The following DPP10 variants were observed in gnomAD, a reference collection of about 807,000 sequenced individuals.
DPP10 encodes the protein dipeptidyl peptidase like 10.
A neutral mutation model predicts 120.9 loss-of-function variants in DPP10; 33 were observed. The observed-to-expected ratio is 0.27, with a 90% confidence interval of 0.21 to 0.37. The LOEUF (loss-of-function observed/expected upper bound fraction) is 0.37. Ranked by LOEUF, DPP10 falls within the 10% of genes least tolerant of loss-of-function variation. The probability of loss-of-function intolerance (pLI) is 1.00; values close to 1 mark genes in which losing one functional copy is unlikely to be tolerated. For synonymous variants in DPP10, 337 were observed against 326.1 expected (o/e 1.03, Z -0.36); for missense variants, 816 against 942.8 (o/e 0.87, Z 1.76).
At chr2:114,853,657 G>T (rs528357430) in intron 1 of DPP10, among the ~76,000 whole-genome samples, 1 of 152,178 alleles carries the variant, frequency 6.6e-6, no homozygotes, top group Non-Finnish European at 1.5e-5. Context: ...AAGCTAGTGA[G>T]AAATGATGAA....
intron 1 of DPP10, among the ~76,000 whole-genome samples, chr2:114,853,019 A>G (rs1689088476): frequency 6.6e-6 from 1 of 152,196 alleles, no homozygotes. Context: ...GACTCAGGAT[A>G]ACTGCTCACA....
intron 1 of DPP10, among the ~76,000 whole-genome samples, chr2:115,201,433 A>G (rs2055711590): frequency 6.6e-6 from 1 of 152,224 alleles, no homozygotes; most frequent in South Asian, 2.1e-4. Context: ...ACTGCCCTCA[A>G]GCCTGGGCTA....
intron 1 of DPP10, among the ~76,000 whole-genome samples, chr2:115,076,002 A>G (rs376278261): frequency 2.6e-5 from 4 of 152,116 alleles, no homozygotes; most frequent in African/African-American, 9.7e-5. Flanking sequence ...GTGGGTTTTC[A>G]TTCACCCTGT....
intron 1 of DPP10, among the ~76,000 whole-genome samples, chr2:114,990,757 T>C (rs1456628268): frequency 6.6e-6 from 1 of 152,196 alleles, no homozygotes; most frequent in Non-Finnish European, 1.5e-5. Context: ...CATCTTGTTT[T>C]CTCCTGAAGA....
chr2:115,830,091 C>T (rs1175238345), intron 21 of DPP10, among the ~76,000 whole-genome samples: 1 of 152,050 alleles, frequency 6.6e-6, no homozygotes, highest in African/African-American at 2.4e-5. Context: ...AGCAGTGGCT[C>T]ATGCGTGTAA....
At chr2:114,467,074 T>C (rs1679456974) in intron 1 of DPP10, among the ~76,000 whole-genome samples, 1 of 151,892 alleles carries the variant, frequency 6.6e-6, no homozygotes, top group South Asian at 2.1e-4. Flanking sequence ...GTGACTAGTT[T>C]AGAGCCCTAC....
At chr2:115,005,908 A>G (rs1336858306) in intron 1 of DPP10, among the ~76,000 whole-genome samples, 10 of 150,774 alleles carry the variant, frequency 6.6e-5, no homozygotes, top group Admixed American at 2.0e-4. Context: ...TCCAAGACAC[A>G]TAATTGTCAG....
intron 1 of DPP10, among the ~76,000 whole-genome samples, chr2:114,755,755 G>C (rs75911555): frequency 6.6e-6 from 1 of 152,286 alleles, no homozygotes; most frequent in South Asian, 2.1e-4. Flanking sequence ...AATTTAGCCT[G>C]TGAGAGGCTC....
At chr2:115,298,415 A>T (rs2060980925) in intron 1 of DPP10, among the ~76,000 whole-genome samples, 1 of 151,990 alleles carries the variant, frequency 6.6e-6, no homozygotes, top group Admixed American at 6.6e-5. Flanking sequence ...AATTCCTCTG[A>T]GTGTAAGATT....
At chr2:115,458,401 CACT>C (rs2073750061) in intron 3 of DPP10, among the ~76,000 whole-genome samples, 1 of 152,014 alleles carries the variant, frequency 6.6e-6, no homozygotes, top group Non-Finnish European at 1.5e-5. Context: ...ATTGTTTAGA[CACT>C]ACTTTTGATC....
intron 4 of DPP10, among the ~76,000 whole-genome samples, chr2:115,499,817 A>G (rs1338168334): frequency 2.6e-5 from 4 of 152,042 alleles, no homozygotes; most frequent in African/African-American, 9.7e-5. Context: ...CTTGTTAATA[A>G]TTGGAGAAAT....
Position 114,443,789 on chromosome 2 carries a change from C to T in DPP10, c.60+951C>T, listed in dbSNP as rs76609888. Among the ~76,000 whole-genome samples the T allele has an allele frequency of 3.9e-4, 59 of 151,286 alleles. No individual in the cohort carries two copies. The East Asian group carries it at 0.011, about 29-fold the overall frequency. On this transcript the variant is annotated intron_variant, in intron 1 of 25. Transcript: ENST00000410059. ...TCTCTCATTAACATACAAGTGCATA[C>T]CTTTTGCTACTATTCCTGATAAGCC...
At chr2:115,755,896 CTTTTTAAAAAGTATATATGTATGCT>C (rs1183583454) in intron 11 of DPP10, among the ~76,000 whole-genome samples, 1 of 149,752 alleles carries the variant, frequency 6.7e-6, no homozygotes, top group African/African-American at 2.4e-5. Context: ...TACATATATA[CTTTTTAAAAAGTATATATGTATGCT>C]TTTTTAAAAA....
At chr2:115,721,483 C>T (rs942907555) in intron 7 of DPP10, among the ~76,000 whole-genome samples, 17 of 151,916 alleles carry the variant, frequency 1.1e-4, no homozygotes, top group Non-Finnish European at 4.4e-5. Flanking sequence ...GTATAATTTA[C>T]ATACATAAAC....
intron 1 of DPP10, among the ~76,000 whole-genome samples, chr2:114,829,216 G>GA (rs1360747798): frequency 6.6e-6 from 1 of 151,718 alleles, no homozygotes; most frequent in East Asian, 2.0e-4. Context: ...TTGAACCGGG[G>GA]GCAGCAGAGG....
At chr2:115,583,619 A>C (rs2082124111) in intron 5 of DPP10, among the ~76,000 whole-genome samples, 1 of 152,194 alleles carries the variant, frequency 6.6e-6, no homozygotes, top group African/African-American at 2.4e-5. Context: ...AGCGTTTTCC[A>C]AGAGACAGGA....
intron 1 of DPP10, among the ~76,000 whole-genome samples, chr2:115,148,244 G>A (rs2051339256): frequency 6.6e-6 from 1 of 152,062 alleles, no homozygotes; most frequent in Non-Finnish European, 1.5e-5. Context: ...TTTTCTTCAG[G>A]TAAACTTGGA....
At chr2:115,459,977 T>C (rs1038526127) in intron 3 of DPP10, among the ~76,000 whole-genome samples, 14 of 145,104 alleles carry the variant, frequency 9.6e-5, no homozygotes, top group Non-Finnish European at 1.8e-4. Context: ...ATACTAGATA[T>C]TGTGGCTATA....
chr2:115,680,243 T>A (rs1315866779), intron 5 of DPP10, among the ~76,000 whole-genome samples: 1 of 151,994 alleles, frequency 6.6e-6, no homozygotes, highest in East Asian at 1.9e-4. Context: ...TTAATATGCT[T>A]CTCAGTTTAA....
Sources: gnomAD v4.1 joint callset for allele counts (sites outside exome capture counted in the v4.1 genomes callset) on GRCh38, gnomAD v4.1.1 for gene constraint, MANE v1.5 for transcripts, NCBI Gene and HGNC (gene_info 2026-07-23, HGNC 2026-07-21) for gene names.